Variants in CCDC13 observed in about 807,000 individuals in gnomAD.
CCDC13 encodes coiled-coil domain containing 13.
Under a neutral mutation model 87.3 loss-of-function variants are expected in CCDC13, and 70 were observed. That is an observed-to-expected ratio of 0.80 (90% CI 0.66 to 0.98). The LOEUF is 0.98. Ranked by LOEUF, CCDC13 falls within the 50% of genes least tolerant of loss-of-function variation. CCDC13 has a pLI of 0.00. For missense variants in CCDC13, 842 were observed against 892.0 expected, an observed-to-expected ratio of 0.94 and a Z score of 0.71; for synonymous variants, 317 against 360.3, an observed-to-expected ratio of 0.88 and a Z score of 1.36.
intron 5 of CCDC13, among the ~76,000 whole-genome samples, chr3:42,751,633 C>T (rs537396363): frequency 2.6e-5 from 4 of 152,222 alleles, no homozygotes; most frequent in Non-Finnish European, 5.9e-5. Context: ...CCTCTTGATC[C>T]TCAGGCTCTA....
At chr3:42,748,718 C>T (rs1479151489) in intron 5 of CCDC13, among the ~76,000 whole-genome samples, 1 of 152,172 alleles carries the variant, frequency 6.6e-6, no homozygotes, top group Non-Finnish European at 1.5e-5. Flanking sequence ...AATGAGTATA[C>T]AAATACTTTC....
At chr3:42,742,590 C>A (rs1177249215) in intron 8 of CCDC13, among the ~76,000 whole-genome samples, 2 of 152,178 alleles carry the variant, frequency 1.3e-5, no homozygotes, top group Non-Finnish European at 2.9e-5. Flanking sequence ...CCCTATCATA[C>A]TTCTGGGGCC....
chr3:42,758,084 C>CACAT, intron 2 of CCDC13, 41 bp downstream of exon 2: 1 of 1,539,380 alleles, frequency 6.5e-7, no homozygotes, highest in Non-Finnish European at 9.0e-7. Flanking sequence ...CACACACACA[C>CACAT]ACACACACAC....
At chr3:42,718,329 C>T (rs1019926269) in intron 13 of CCDC13, among the ~76,000 whole-genome samples, 6 of 152,166 alleles carry the variant, frequency 3.9e-5, no homozygotes, top group Admixed American at 1.3e-4. Context: ...CACGGCAATG[C>T]CAGGAAGTTA....
intron 13 of CCDC13, among the ~76,000 whole-genome samples, chr3:42,714,620 G>A (rs976248866): frequency 6.6e-5 from 10 of 152,220 alleles, no homozygotes; most frequent in African/African-American, 2.4e-4. Flanking sequence ...AACTCCCTGA[G>A]ATCTAACCCA....
intron 5 of CCDC13, chr3:42,749,780 G>A: frequency 4.6e-6 from 2 of 432,044 alleles, no homozygotes; most frequent in South Asian, 1.6e-5. Flanking sequence ...TAACTAAAGC[G>A]CAGTACATGG....
chr3:42,742,983 G>A lies in CCDC13; in HGVS notation c.900C>T (p.Val300=), dbSNP rs761951159. The A allele has an allele frequency of 2.7e-5, 43 of 1,614,056 alleles. No homozygotes were observed. The highest frequency in any genetic ancestry group is 3.6e-5 in the Non-Finnish European group (43 of 1,180,034). Residue 300 remains valine, a synonymous_variant, in exon 8 of 16, where the codon GTC becomes GTT. Transcript: ENST00000310232. ...SAGTASDELS[V]YPDPRKLSAQ... is the part of the protein sequence containing the mutation. The stretch of plus-strand genomic sequence containing the variant: ...CCGACAGCTTCCTTGGGTCTGGATA[G>A]ACAGACAACTCATCACTGGCTGTTC...
chr3:42,762,347 A>G (rs1559663278), intron 1 of CCDC13, among the ~76,000 whole-genome samples: 1 of 152,246 alleles, frequency 6.6e-6, no homozygotes, highest in East Asian at 1.9e-4. Context: ...ACCCGCTCCT[A>G]AGAGAGAATC....
At position 42,717,394 on chromosome 3, in the gene CCDC13, C is replaced by T. The variant is rs921857450; in HGVS notation, c.1719-4078G>A. 2.2e-5 allele frequency among the ~76,000 whole-genome samples: 3 copies of T among 136,056 alleles called. No homozygotes were observed. In the Admixed American group the frequency reaches 2.3e-4, roughly 11 times the overall value. The allele number at this position is 136,056 out of a possible 152,430, so 89.3% of individuals were successfully genotyped here. Reference sequence around the variant, plus strand: ...TGAGCCGAGATCATGCCATTGCACTCAAGACTCGGCAACAAGCGAGAATCC... The same window carrying T: ...TGAGCCGAGATCATGCCATTGCACTTAAGACTCGGCAACAAGCGAGAATCC... On this transcript the variant is annotated intron_variant, in intron 13 of 15. Transcript: ENST00000310232.
chr3:42,747,160 A>G (rs1575317265), intron 6 of CCDC13, 97 bp downstream of exon 6: 2 of 893,154 alleles, frequency 2.2e-6, no homozygotes, highest in South Asian at 1.3e-5. Flanking sequence ...GGGACTGAGC[A>G]CTCATGGCTC....
At chr3:42,769,631 G>A (rs899155102) in intron 1 of CCDC13, among the ~76,000 whole-genome samples, 1 of 152,286 alleles carries the variant, frequency 6.6e-6, no homozygotes, top group Non-Finnish European at 1.5e-5. Context: ...GAGCCCTTCA[G>A]CCTGCTGCTG....
chr3:42,748,659 GAACACCTGGTCCAGA>G (rs1699487137), intron 5 of CCDC13, among the ~76,000 whole-genome samples: 2 of 152,188 alleles, frequency 1.3e-5, no homozygotes, highest in Non-Finnish European at 2.9e-5. Flanking sequence ...AACTAGACAT[GAACACCTGGTCCAGA>G]AACTCTGGCC....
intron 15 of CCDC13, 54 bp downstream of exon 15, chr3:42,709,630 G>A (rs1461405959): frequency 7.9e-6 from 11 of 1,384,316 alleles, no homozygotes; most frequent in Admixed American, 1.7e-5. Context: ...TGCCCATGGA[G>A]GCACCTCTGC....
chr3:42,771,012 T>C (rs554462054), intron 1 of CCDC13: 1 of 152,344 alleles, frequency 6.6e-6, no homozygotes, highest in East Asian at 1.9e-4. Flanking sequence ...GAACCCACAA[T>C]TCTGGACTCA....
At position 42,742,923 on chromosome 3, in the gene CCDC13, C is replaced by T; in HGVS notation, c.960G>A (p.Leu320=). ...QEKNLLRIRS[L]EREKQEGLEK... ...CCAAGCCTTCCTGTTTTTCCCTTTC[C>T]AGGCTGCGGATCCTCAGCAGGTTTT... Residue 320 remains leucine, a synonymous_variant, in exon 8 of 16, where the codon CTG becomes CTA. Coordinates refer to ENST00000310232, the MANE Select transcript of CCDC13 (RefSeq NM_144719.4). 1.2e-6 allele frequency: 2 copies of T among 1,614,134 alleles called. No individual in the cohort carries two copies. Among genetic ancestry groups the T allele is most frequent in the Non-Finnish European group, 1.7e-6 (2 of 1,179,998 alleles).
At chr3:42,716,397 AG>A (rs1698431220) in intron 13 of CCDC13, among the ~76,000 whole-genome samples, 3 of 152,188 alleles carry the variant, frequency 2.0e-5, no homozygotes, top group African/African-American at 7.2e-5. Flanking sequence ...AGTTAATAAT[AG>A]GGTAAATGTA....
chr3:42,709,006 G>T lies in CCDC13; in HGVS notation c.2122C>A (p.Arg708=). ...TATTGCTTGCCTGTCTTCTGCTGCC[G>T]CAGGGCCTGCAGGAAGACACTTTTC... The part of the protein sequence containing the change: ...QVKSVFLQAL[R]QQKTGKQ The change falls in exon 16 of 16, where the codon CGG becomes AGG. Residue 708 remains arginine, a synonymous_variant. Transcript: ENST00000310232. 2 of 1,612,902 alleles carry T rather than the reference G, an allele frequency of 1.2e-6. No individual in the cohort carries two copies. The highest frequency in any genetic ancestry group is 8.5e-7 in the Non-Finnish European group (1 of 1,179,450).
chr3:42,714,698 T>C (rs1698390546), intron 13 of CCDC13, among the ~76,000 whole-genome samples: 1 of 152,228 alleles, frequency 6.6e-6, no homozygotes, highest in Non-Finnish European at 1.5e-5. Context: ...TTGGAGGAAG[T>C]GATCTTTCCA....
chr3:42,709,569 A>C, intron 15 of CCDC13, 115 bp downstream of exon 15: 1 of 851,682 alleles, frequency 1.2e-6, no homozygotes, highest in Non-Finnish European at 1.9e-6. Context: ...AAACAGGACA[A>C]GCCTTCTGGG....
Sources: gnomAD v4.1 joint callset for allele counts (sites outside exome capture counted in the v4.1 genomes callset) on GRCh38, gnomAD v4.1.1 for gene constraint, MANE v1.5 for transcripts, NCBI Gene and HGNC (gene_info 2026-07-23, HGNC 2026-07-21) for gene names.